Variants in OPALIN observed in about 807,000 individuals in gnomAD.
OPALIN encodes the protein oligodendrocytic myelin paranodal and inner loop protein, also known as transmembrane protein 10.
OPALIN carries 15 observed loss-of-function variants against 17.8 expected under a neutral mutation model. That is an observed-to-expected ratio of 0.84 (90% CI 0.56 to 1.29). The LOEUF (loss-of-function observed/expected upper bound fraction) is 1.29, where lower values mean the gene tolerates loss of function less well. Among genes scored for constraint, OPALIN ranks in the 50% most tolerant of loss-of-function variants. OPALIN has a pLI of 0.00. For missense variants in OPALIN, 170 were observed against 176.0 expected (o/e 0.97, Z 0.19); for synonymous variants, 62 against 63.8 (o/e 0.97, Z 0.14).
At chr10:96,348,679 T>C (rs1197685215) in intron 4 of OPALIN, among the ~76,000 whole-genome samples, 3 of 152,190 alleles carry the variant, frequency 2.0e-5, no homozygotes, top group Non-Finnish European at 2.9e-5. Context: ...TTGTTTTTGT[T>C]TTTTCAAGAT....
At chr10:96,346,985 A>G (rs1330470431) in intron 5 of OPALIN, among the ~76,000 whole-genome samples, 1 of 152,044 alleles carries the variant, frequency 6.6e-6, no homozygotes, top group African/African-American at 2.4e-5. Flanking sequence ...TTACTTTTAT[A>G]TATTGATTTT....
intron 4 of OPALIN, among the ~76,000 whole-genome samples, chr10:96,348,646 T>A (rs995099422): frequency 6.6e-6 from 1 of 152,238 alleles, no homozygotes; most frequent in Admixed American, 6.5e-5. Context: ...CTTTAGTATA[T>A]GTTTGAAATT....
chr10:96,353,549 G>A, intron 2 of OPALIN: 1 of 864,484 alleles, frequency 1.2e-6, no homozygotes, highest in Non-Finnish European at 2.0e-6. Flanking sequence ...TCAAAGGGGT[G>A]AAGAGACAGT....
At chr10:96,356,428 C>A (rs1382273847) in intron 1 of OPALIN, among the ~76,000 whole-genome samples, 1 of 152,218 alleles carries the variant, frequency 6.6e-6, no homozygotes, top group Admixed American at 6.5e-5. Context: ...TCATCTCTCT[C>A]AAAACCCTCA....
intron 1 of OPALIN, among the ~76,000 whole-genome samples, chr10:96,357,599 A>G (rs898671225): frequency 3.9e-5 from 6 of 152,138 alleles, no homozygotes; most frequent in African/African-American, 1.4e-4. Flanking sequence ...CAGTTTTCCC[A>G]TTCTCAAAAT....
rs1011764440 is a variant in OPALIN, at chr10:96,345,224, G to C, written c.*717C>G. On this transcript the variant is annotated 3_prime_UTR_variant, in exon 6 of 6. Transcript: ENST00000371172. Reference sequence around the variant, plus strand: ...AACTAACATTTTGACTGGCAACTAAGTAGCAGACACTTCCCTTTATTTCTT... The same window carrying C: ...AACTAACATTTTGACTGGCAACTAACTAGCAGACACTTCCCTTTATTTCTT... 1 of 152,214 alleles carries C rather than the reference G, an allele frequency of 6.6e-6. No homozygotes were observed. Among genetic ancestry groups the C allele is most frequent in the Non-Finnish European group, 1.5e-5 (1 of 68,028 alleles). The allele number at this position is 152,214 out of a possible 1,614,324, so 9.4% of individuals were successfully genotyped here.
chr10:96,353,454 A>T (rs2134026143), intron 2 of OPALIN: 1 of 1,611,792 alleles, frequency 6.2e-7, no homozygotes, highest in Non-Finnish European at 8.5e-7. Flanking sequence ...TACCATCCGC[A>T]TTGTCCAGAG....
intron 1 of OPALIN, 125 bp from the exon 2 acceptor site, chr10:96,355,415 C>A (rs936918201): frequency 3.8e-6 from 3 of 787,550 alleles, no homozygotes; most frequent in East Asian, 2.7e-5. Flanking sequence ...CAGCCAGCCC[C>A]CATCGTCCTG....
At chr10:96,347,038 A>T in intron 5 of OPALIN, among the ~76,000 whole-genome samples, 1 of 150,804 alleles carries the variant, frequency 6.6e-6, no homozygotes, top group East Asian at 1.9e-4. Context: ...AATTCAAGTA[A>T]TTTTTCTGTA....
rs72007324 is a variant in OPALIN, at chr10:96,352,681, T to TAAAAA, written c.40-1276_40-1272dup. Among the ~76,000 whole-genome samples the TAAAAA allele has an allele frequency of 8.2e-3, 794 of 96,734 alleles. 7 individuals carry two copies. The highest frequency in any genetic ancestry group is 0.018 in the Middle Eastern group (3 of 166). 63.5% of individuals were successfully genotyped at this position (96,734 alleles called of 152,430 possible). A position where few individuals can be genotyped will look rare whatever the true frequency, so the allele number is the denominator to read the frequency against. On this transcript the variant is annotated intron_variant, in intron 2 of 5. Coordinates refer to ENST00000371172, the MANE Select transcript of OPALIN (RefSeq NM_033207.5). Reference sequence around the variant, plus strand: ...GAAATACACTTAGGGTGGCTTTCACTAAAAAAAAAAAAAAAAAAAGGAAGG... The same window carrying TAAAAA: ...GAAATACACTTAGGGTGGCTTTCACTAAAAAAAAAAAAAAAAAAAAAAAAGGAAGG...
intron 5 of OPALIN, among the ~76,000 whole-genome samples, chr10:96,347,542 G>A (rs1250851245): frequency 6.6e-6 from 1 of 151,800 alleles, no homozygotes; most frequent in Non-Finnish European, 1.5e-5. Context: ...TGCGATCTCA[G>A]CTCACTGCAA....
chr10:96,358,458 T>C (rs975507679), intron 1 of OPALIN, among the ~76,000 whole-genome samples: 2 of 152,228 alleles, frequency 1.3e-5, no homozygotes, highest in Non-Finnish European at 2.9e-5. Context: ...CCCTCTTGTT[T>C]TCTCTTCTAA....
In OPALIN at chr10:96,358,967, G is replaced by C. The variant is rs1845918267; in HGVS notation, c.-71C>G. The C allele has an allele frequency of 1.9e-6, 3 of 1,545,506 alleles. No homozygotes were observed. In the Admixed American group the frequency reaches 5.0e-5, roughly 26 times the overall value. Reference sequence around the variant, plus strand: ...AGCTCCTTTCTCACTGGCTTTATTGGCTTGTGTCTTTCATTTGTAGGAACA... The same window carrying C: ...AGCTCCTTTCTCACTGGCTTTATTGCCTTGTGTCTTTCATTTGTAGGAACA... On this transcript the variant is annotated 5_prime_UTR_variant, in exon 1 of 6. Transcript: ENST00000371172.
intron 1 of OPALIN, among the ~76,000 whole-genome samples, chr10:96,356,317 T>C (rs1313767689): frequency 6.6e-6 from 1 of 152,204 alleles, no homozygotes; most frequent in Admixed American, 6.5e-5. Context: ...AAACAATGCA[T>C]TCATTAAGTT....
intron 2 of OPALIN, among the ~76,000 whole-genome samples, chr10:96,352,009 T>C (rs1845605195): frequency 6.6e-6 from 1 of 152,240 alleles, no homozygotes; most frequent in Admixed American, 6.5e-5. Flanking sequence ...AAGTTCTGCA[T>C]GAGAAACTAT....
At position 96,344,331 on chromosome 10, in the gene OPALIN, G is replaced by A. The variant is rs1437284847; in HGVS notation, c.*1610C>T. 6.6e-6 allele frequency: 1 copy of A among 152,124 alleles called. No individual in the cohort carries two copies. The highest frequency in any genetic ancestry group is 1.9e-4 in the East Asian group (1 of 5,196). 9.4% of individuals were successfully genotyped at this position (152,124 alleles called of 1,614,324 possible). A position where few individuals can be genotyped will look rare whatever the true frequency, so the allele number is the denominator to read the frequency against. ...TCTCTGATTACAGACACAAGTAGGA[G>A]CAATGAATGATGTGTCTCCTAGGCC... On this transcript the variant is annotated 3_prime_UTR_variant, in exon 6 of 6. Coordinates refer to ENST00000371172, the MANE Select transcript of OPALIN (RefSeq NM_033207.5).
intron 4 of OPALIN, among the ~76,000 whole-genome samples, chr10:96,348,569 G>C (rs530259838): frequency 5.9e-5 from 9 of 152,220 alleles, no homozygotes; most frequent in Non-Finnish European, 1.5e-5. Flanking sequence ...ATAATCCAGG[G>C]TGAGAGTAGA....
At chr10:96,358,186 T>TAAAAAAAAA (rs61616596) in intron 1 of OPALIN, among the ~76,000 whole-genome samples, 697 of 61,512 alleles carry the variant, frequency 0.011, 42 homozygotes, top group East Asian at 0.1. Flanking sequence ...ATGCTTTTTG[T>TAAAAAAAAA]AAAAAAAAAA....
At chr10:96,348,004 GT>G (rs1475224958) in intron 5 of OPALIN, among the ~76,000 whole-genome samples, 2 of 152,086 alleles carry the variant, frequency 1.3e-5, no homozygotes, top group Non-Finnish European at 2.9e-5. Context: ...TCACTGTTAA[GT>G]TTTTTTGAAC....
Sources: allele counts gnomAD v4.1 joint callset (sites outside exome capture counted in the v4.1 genomes callset), GRCh38; gene constraint gnomAD v4.1.1; transcripts MANE v1.5; gene names NCBI Gene and HGNC (gene_info 2026-07-23, HGNC 2026-07-21).